Variants in BCAS3 observed in about 807,000 individuals in gnomAD.
The protein encoded by BCAS3 is BCAS3 microtubule associated cell migration factor.
In BCAS3, 53 loss-of-function variants were observed where a neutral mutation model predicts 116.1. The observed-to-expected ratio is 0.46, with a 90% CI of 0.37 to 0.57. The LOEUF (loss-of-function observed/expected upper bound fraction) is 0.57, where lower values mean the gene tolerates loss of function less well. Among genes scored for constraint, BCAS3 ranks in the 20% least tolerant of loss-of-function variants. The pLI, the probability that BCAS3 is intolerant of heterozygous loss-of-function variation, is 0.00. For synonymous variants in BCAS3, 391 were observed against 408.2 expected, an observed-to-expected ratio of 0.96 and a Z score of 0.51; for missense variants, 917 against 1,165.4, an observed-to-expected ratio of 0.79 and a Z score of 3.10.
chr17:60,726,184 T>C (rs1445827250), intron 5 of BCAS3, among the ~76,000 whole-genome samples: 2 of 147,556 alleles, frequency 1.4e-5, no homozygotes, highest in Non-Finnish European at 3.0e-5. Context: ...CGTGAGCCAC[T>C]GCTCCCGGCC....
chr17:61,202,551 A>C (rs966599908), intron 22 of BCAS3, among the ~76,000 whole-genome samples: 2 of 149,894 alleles, frequency 1.3e-5, no homozygotes, highest in Admixed American at 1.3e-4. Flanking sequence ...TTTTCTTCTT[A>C]TTTTACTTGT....
intron 4 of BCAS3, among the ~76,000 whole-genome samples, chr17:60,690,765 A>C (rs931257568): frequency 6.6e-6 from 1 of 151,580 alleles, no homozygotes; most frequent in East Asian, 2.0e-4. Flanking sequence ...TACTAAAAAT[A>C]CAAAATTAGT....
rs765742116 is a variant in BCAS3, at chr17:61,203,820, G to T, written c.2425+119256G>T. On this transcript the variant is annotated intron_variant, in intron 22 of 23. Transcript: ENST00000407086. This position sits in a 1 kb window ranked among gnomAD's most constrained non-coding sequence, Gnocchi z 5.7. ...TCAGTATACGAGTGTCCTCTCCTTG[G>T]CACTCAGTTGGGACAGTCAGCACTG... 1.3e-5 allele frequency among the ~76,000 whole-genome samples: 2 copies of T among 151,976 alleles called. No homozygotes were observed. The highest frequency in any genetic ancestry group is 4.2e-4 in the South Asian group (2 of 4,818).
At chr17:61,318,798 TAACTG>T (rs779338787) in intron 22 of BCAS3, among the ~76,000 whole-genome samples, 1 of 152,244 alleles carries the variant, frequency 6.6e-6, no homozygotes, top group Non-Finnish European at 1.5e-5. Context: ...TGTTAAATGT[TAACTG>T]TAATTTCTCT....
In BCAS3 at chr17:61,131,562, C is replaced by T. The variant is rs2069594069; in HGVS notation, c.2425+46998C>T. On this transcript the variant is annotated intron_variant, in intron 22 of 23. Transcript: ENST00000407086. The surrounding 1 kb of genome is among the most constrained non-coding windows in gnomAD (Gnocchi z 4.4). ...TTGAGATTTTAAAATAAAGCCTAAA[C>T]ATCGGTCCCTTCCTTCTTCATTAAT... 6.6e-6 allele frequency among the ~76,000 whole-genome samples: 1 copy of T among 152,194 alleles called. No individual in the cohort carries two copies. Among genetic ancestry groups the T allele is most frequent in the African/African-American group, 2.4e-5 (1 of 41,452 alleles).
intron 14 of BCAS3, among the ~76,000 whole-genome samples, chr17:60,951,706 A>G (rs2060838704): frequency 6.6e-6 from 1 of 151,648 alleles, no homozygotes; most frequent in African/African-American, 2.4e-5. Context: ...TTTCTAATTA[A>G]TATCTAGGGG....
chr17:61,090,681 G>A (rs1333603018), intron 22 of BCAS3, among the ~76,000 whole-genome samples: 1 of 151,318 alleles, frequency 6.6e-6, no homozygotes, highest in South Asian at 2.1e-4. Flanking sequence ...TTTTTGAGAT[G>A]GAGTCTCACT....
chr17:61,323,693 CCT>C lies in BCAS3; in HGVS notation c.2426-44631_2426-44630del, dbSNP rs2055496120. Among the ~76,000 whole-genome samples, 2 of 152,206 alleles carry C rather than the reference CCT, an allele frequency of 1.3e-5. No homozygotes were observed. Among genetic ancestry groups the C allele is most frequent in the Non-Finnish European group, 2.9e-5 (2 of 68,040 alleles). On this transcript the variant is annotated intron_variant, in intron 22 of 23. Transcript: ENST00000407086. The surrounding 1 kb of genome is among the most constrained non-coding windows in gnomAD (Gnocchi z 4.6). ...TATGGCATCTCTGTCAAAAGTTGAGCCTCTGTTTCCTTAATAGGCCACTTCCC... is the reference window on the plus strand; with the variant it reads ...TATGGCATCTCTGTCAAAAGTTGAGCCTGTTTCCTTAATAGGCCACTTCCC...
intron 7 of BCAS3, among the ~76,000 whole-genome samples, chr17:60,832,376 A>G (rs1165948805): frequency 6.6e-6 from 1 of 152,154 alleles, no homozygotes; most frequent in Non-Finnish European, 1.5e-5. Flanking sequence ...TGATGTGGCA[A>G]ACGTTTGTTG....
intron 1 of BCAS3, among the ~76,000 whole-genome samples, chr17:60,678,194 G>C (rs2032308337): frequency 6.6e-6 from 1 of 152,188 alleles, no homozygotes; most frequent in Admixed American, 6.5e-5. Flanking sequence ...TAAAGGGCAG[G>C]GCTTGGGAGA....
chr17:60,734,719 G>A (rs2040798574), intron 5 of BCAS3, among the ~76,000 whole-genome samples: 1 of 152,160 alleles, frequency 6.6e-6, no homozygotes, highest in South Asian at 2.1e-4. Context: ...CACTGTTTTG[G>A]TTACTGTAGC....
chr17:61,135,412 A>C (rs992014012), intron 22 of BCAS3, among the ~76,000 whole-genome samples: 1 of 152,254 alleles, frequency 6.6e-6, no homozygotes, highest in African/African-American at 2.4e-5. Flanking sequence ...TTGAATTAGC[A>C]TACCATTTCA....
Position 61,241,557 on chromosome 17 carries a change from T to C in BCAS3, c.2426-126770T>C, listed in dbSNP as rs1416636237. Among the ~76,000 whole-genome samples, 1 of 150,582 alleles carries C rather than the reference T, an allele frequency of 6.6e-6. No homozygotes were observed. Among genetic ancestry groups the C allele is most frequent in the Non-Finnish European group, 1.5e-5 (1 of 67,624 alleles). On this transcript the variant is annotated intron_variant, in intron 22 of 23. Coordinates refer to ENST00000407086, the MANE Select transcript of BCAS3 (RefSeq NM_017679.5). This position sits in a 1 kb window ranked among gnomAD's most constrained non-coding sequence, Gnocchi z 4.6. ...AAACCCCACCTCTACTAAAAAAAAA[T>C]TACAAAAAAAAATTAGCCGGCCGTG...
intron 22 of BCAS3, among the ~76,000 whole-genome samples, chr17:61,262,525 C>A (rs563456166): frequency 4.7e-4 from 72 of 152,186 alleles, no homozygotes; most frequent in South Asian, 8.3e-4. Flanking sequence ...GGATTACAGG[C>A]ACGCACCACT....
At chr17:61,336,990 G>T (rs1405591058) in intron 22 of BCAS3, among the ~76,000 whole-genome samples, 1 of 152,102 alleles carries the variant, frequency 6.6e-6, no homozygotes, top group East Asian at 1.9e-4. Context: ...GCACGTGCCT[G>T]TAATCCCAGC....
intron 19 of BCAS3, among the ~76,000 whole-genome samples, chr17:61,057,827 TTTC>T (rs1444934852): frequency 6.6e-6 from 1 of 152,194 alleles, no homozygotes; most frequent in African/African-American, 2.4e-5. Flanking sequence ...TTTTGAATTA[TTTC>T]TTATTTCCAA....
rs1294721471 is a variant in BCAS3 at position 61,068,006 on chromosome 17, C to T, written c.2030-6914C>T. Among the ~76,000 whole-genome samples the T allele has an allele frequency of 1.3e-5, 2 of 151,880 alleles. No homozygotes were observed. The highest frequency in any genetic ancestry group is 4.8e-5 in the African/African-American group (2 of 41,342). Reference sequence around the variant, plus strand: ...TCTCTAAAGTAAATTGATAGTATTCCCTATTCAGTATTTTCCTTTTCAGTT... The same window carrying T: ...TCTCTAAAGTAAATTGATAGTATTCTCTATTCAGTATTTTCCTTTTCAGTT... On this transcript the variant is annotated intron_variant, in intron 19 of 23. Coordinates refer to ENST00000407086, the MANE Select transcript of BCAS3 (RefSeq NM_017679.5). This position sits in a 1 kb window ranked among gnomAD's most constrained non-coding sequence, Gnocchi z 4.3.
chr17:61,240,602 T>A (rs551892261), intron 22 of BCAS3, among the ~76,000 whole-genome samples: 57 of 152,300 alleles, frequency 3.7e-4, no homozygotes, highest in Non-Finnish European at 6.3e-4. Context: ...TGCAGTGAGC[T>A]GAGATTGTGC....
Position 61,122,634 on chromosome 17 carries a change from C to G in BCAS3, c.2425+38070C>G, listed in dbSNP as rs1484044134. Among the ~76,000 whole-genome samples the G allele has an allele frequency of 1.3e-5, 2 of 152,174 alleles. No individual in the cohort carries two copies. Among genetic ancestry groups the G allele is most frequent in the Non-Finnish European group, 2.9e-5 (2 of 68,020 alleles). On this transcript the variant is annotated intron_variant, in intron 22 of 23. Coordinates refer to ENST00000407086, the MANE Select transcript of BCAS3 (RefSeq NM_017679.5). This position sits in a 1 kb window ranked among gnomAD's most constrained non-coding sequence, Gnocchi z 4.6. The stretch of plus-strand genomic sequence containing the variant: ...GCAGGTCAGAACAAACATTATCTTG[C>G]TCCCATATGTTTTTGTAGGATCTTG...
Sources: allele counts gnomAD v4.1 joint callset (sites outside exome capture counted in the v4.1 genomes callset), GRCh38; gene constraint gnomAD v4.1.1; non-coding constraint Gnocchi (gnomAD v3.1); transcripts MANE v1.5; gene names NCBI Gene and HGNC (gene_info 2026-07-23, HGNC 2026-07-21).